The following BNC2 variants were observed in gnomAD, a reference collection of about 807,000 sequenced individuals.
BNC2 encodes the protein zinc finger protein basonuclin-2.
Under a neutral mutation model 76.3 loss-of-function variants are expected in BNC2, and 20 were observed. The ratio of observed to expected loss-of-function variants is 0.26; its 90% CI spans 0.18 to 0.38. BNC2 has a LOEUF of 0.38. BNC2 is among the 10% of genes least tolerant of loss of function. The probability of loss-of-function intolerance (pLI) is 1.00; values close to 1 mark genes in which losing one functional copy is unlikely to be tolerated. For missense variants in BNC2, 1,382 were observed against 1,399.8 expected, an observed-to-expected ratio of 0.99 and a Z score of 0.20; for synonymous variants, 582 against 514.8, an observed-to-expected ratio of 1.13 and a Z score of -1.77.
chr9:16,841,740 G>A (rs1818832097), intron 1 of BNC2, among the ~76,000 whole-genome samples: 1 of 151,366 alleles, frequency 6.6e-6, no homozygotes, highest in Admixed American at 6.6e-5. Context: ...GAAAAGAGCT[G>A]CATGCATGAT....
intron 5 of BNC2, among the ~76,000 whole-genome samples, chr9:16,533,385 T>A (rs1416343071): frequency 6.6e-6 from 1 of 152,208 alleles, no homozygotes; most frequent in Non-Finnish European, 1.5e-5. Flanking sequence ...ATTACAAATC[T>A]GTGTGTTGTT....
At chr9:16,718,692 G>C (rs1193777828) in intron 3 of BNC2, among the ~76,000 whole-genome samples, 1 of 152,064 alleles carries the variant, frequency 6.6e-6, no homozygotes, top group East Asian at 1.9e-4. Context: ...AGTCAAGAAA[G>C]GAAAAAGGCT....
intron 1 of BNC2, among the ~76,000 whole-genome samples, chr9:16,818,701 T>C (rs1214918471): frequency 6.6e-6 from 1 of 152,172 alleles, no homozygotes; most frequent in Non-Finnish European, 1.5e-5. Flanking sequence ...GTTTTTACTG[T>C]TGTTGTTTTG....
At chr9:16,458,025 G>A (rs1259923898) in intron 5 of BNC2, among the ~76,000 whole-genome samples, 1 of 152,172 alleles carries the variant, frequency 6.6e-6, no homozygotes, top group Non-Finnish European at 1.5e-5. Flanking sequence ...GGGAGAAAGA[G>A]GTAGAATGTC....
At chr9:16,681,744 G>A (rs1397830020) in intron 3 of BNC2, among the ~76,000 whole-genome samples, 8 of 152,160 alleles carry the variant, frequency 5.3e-5, no homozygotes, top group Admixed American at 3.3e-4. Flanking sequence ...TGCAGTGTAT[G>A]TACATTTTTC....
chr9:16,828,467 G>A (rs1415506080), intron 1 of BNC2, among the ~76,000 whole-genome samples: 1 of 152,124 alleles, frequency 6.6e-6, no homozygotes, highest in Non-Finnish European at 1.5e-5. Context: ...GCTATAGTTA[G>A]GTAGTATGAA....
At chr9:16,838,114 T>A (rs1349752189) in intron 1 of BNC2, among the ~76,000 whole-genome samples, 2 of 152,236 alleles carry the variant, frequency 1.3e-5, no homozygotes, top group Non-Finnish European at 2.9e-5. Flanking sequence ...TATTTAGGTC[T>A]ACTTAAATAA....
At chr9:16,674,862 C>A (rs1316347599) in intron 3 of BNC2, among the ~76,000 whole-genome samples, 1 of 152,168 alleles carries the variant, frequency 6.6e-6, no homozygotes, top group Non-Finnish European at 1.5e-5. Flanking sequence ...CTTTTATGTT[C>A]TTGGGCAATT....
intron 5 of BNC2, among the ~76,000 whole-genome samples, chr9:16,479,144 C>T (rs187707175): frequency 4.0e-5 from 6 of 151,406 alleles, no homozygotes; most frequent in East Asian, 2.0e-4. Flanking sequence ...CCCAGCTACT[C>T]GGGAGTCTGA....
intron 1 of BNC2, among the ~76,000 whole-genome samples, chr9:16,753,602 A>G (rs1341013449): frequency 6.6e-6 from 1 of 152,248 alleles, no homozygotes; most frequent in Non-Finnish European, 1.5e-5. Context: ...AGTTTTTAAC[A>G]GTATCAATCA....
chr9:16,846,463 TA>T (rs1477027819), intron 1 of BNC2, among the ~76,000 whole-genome samples: 1 of 152,212 alleles, frequency 6.6e-6, no homozygotes, highest in East Asian at 1.9e-4. Flanking sequence ...TAGAATCGTG[TA>T]AGTCCACCAC....
At position 16,803,867 on chromosome 9, in the gene BNC2, G is replaced by A. The variant is rs1476026269; in HGVS notation, c.4-65382C>T. Among the ~76,000 whole-genome samples the A allele has an allele frequency of 3.3e-5, 5 of 152,144 alleles. No individual in the cohort carries two copies. The South Asian group carries it at 6.2e-4, about 19-fold the overall frequency. On this transcript the variant is annotated intron_variant, in intron 1 of 6. Coordinates refer to ENST00000380672, the MANE Select transcript of BNC2 (RefSeq NM_017637.6). ...CTCTAAGGAGTGCGATCTTGCATTC[G>A]GCTGAGTGAATCGCTACCAGATGCA...
At chr9:16,569,654 T>G (rs2132820938) in intron 4 of BNC2, among the ~76,000 whole-genome samples, 1 of 152,332 alleles carries the variant, frequency 6.6e-6, no homozygotes, top group South Asian at 2.1e-4. Flanking sequence ...TTGGTTATAC[T>G]TATTCTCCCG....
At chr9:16,773,940 G>A (rs1825895868) in intron 1 of BNC2, among the ~76,000 whole-genome samples, 1 of 152,090 alleles carries the variant, frequency 6.6e-6, no homozygotes, top group African/African-American at 2.4e-5. Flanking sequence ...AAAACTTCAA[G>A]CCCAAAGGTC....
At chr9:16,555,075 A>G (rs1463656005) in intron 4 of BNC2, among the ~76,000 whole-genome samples, 2 of 146,484 alleles carry the variant, frequency 1.4e-5, no homozygotes, top group Non-Finnish European at 2.9e-5. Context: ...GCTGGAGGGC[A>G]GTGGCGCGAT....
intron 3 of BNC2, among the ~76,000 whole-genome samples, chr9:16,610,902 G>C (rs1185517966): frequency 2.6e-5 from 4 of 152,090 alleles, no homozygotes; most frequent in African/African-American, 9.7e-5. Flanking sequence ...TGTCACTTAG[G>C]CTGCCACTGC....
At chr9:16,698,412 C>T (rs988796160) in intron 3 of BNC2, among the ~76,000 whole-genome samples, 2 of 152,090 alleles carry the variant, frequency 1.3e-5, no homozygotes, top group African/African-American at 4.8e-5. Flanking sequence ...TGATGAGGGC[C>T]GGGCGCGGTG....
intron 4 of BNC2, among the ~76,000 whole-genome samples, chr9:16,554,761 T>C (rs1167688694): frequency 6.6e-6 from 1 of 152,312 alleles, no homozygotes; most frequent in East Asian, 1.9e-4. Flanking sequence ...TCCTCCTCCA[T>C]TTCCCTTCAT....
chr9:16,701,308 A>C (rs1018195613), intron 3 of BNC2, among the ~76,000 whole-genome samples: 2 of 152,216 alleles, frequency 1.3e-5, no homozygotes, highest in African/African-American at 4.8e-5. Flanking sequence ...ATGATATATG[A>C]AGAATGCAGC....
Sources: gnomAD v4.1 joint callset for allele counts (sites outside exome capture counted in the v4.1 genomes callset) on GRCh38, gnomAD v4.1.1 for gene constraint, MANE v1.5 for transcripts, NCBI Gene and HGNC (gene_info 2026-07-23, HGNC 2026-07-21) for gene names.